Variants in ZNF407 observed in about 807,000 individuals in gnomAD.
ZNF407 encodes zinc finger protein 407.
Under a neutral mutation model 131.2 loss-of-function variants are expected in ZNF407, and 17 were observed. The ratio of observed to expected loss-of-function variants is 0.13; its 90% CI spans 0.09 to 0.19. The LOEUF (loss-of-function observed/expected upper bound fraction) is 0.19. Ranked by LOEUF, ZNF407 falls within the 10% of genes least tolerant of loss-of-function variation. The pLI is 1.00. For synonymous variants in ZNF407, 1,156 were observed against 1,062.0 expected, an observed-to-expected ratio of 1.09 and a Z score of -1.72; for missense variants, 2,681 against 2,830.6, an observed-to-expected ratio of 0.95 and a Z score of 1.20.
At chr18:74,784,874 A>G (rs572464133) in intron 4 of ZNF407, among the ~76,000 whole-genome samples, 11 of 152,346 alleles carry the variant, frequency 7.2e-5, no homozygotes, top group Admixed American at 1.3e-4. Context: ...GCCAGGTGCA[A>G]TTACAATGGA....
chr18:74,979,267 A>G (rs1972561619), intron 8 of ZNF407, among the ~76,000 whole-genome samples: 1 of 152,170 alleles, frequency 6.6e-6, no homozygotes, highest in South Asian at 2.1e-4. Flanking sequence ...GGTTATCAAC[A>G]TTTAAAATTA....
intron 4 of ZNF407, among the ~76,000 whole-genome samples, chr18:74,856,280 G>A (rs1456335582): frequency 3.3e-5 from 5 of 152,130 alleles, no homozygotes; most frequent in Admixed American, 3.3e-4. Context: ...GTCAGCCTTG[G>A]CAAAAGCATT....
intron 4 of ZNF407, among the ~76,000 whole-genome samples, chr18:74,811,804 C>G (rs561550391): frequency 6.6e-6 from 1 of 150,572 alleles, no homozygotes; most frequent in African/African-American, 2.5e-5. Flanking sequence ...TATTCTCACT[C>G]ATAGGTGGTA....
At chr18:74,856,357 ATT>A (rs1970858943) in intron 4 of ZNF407, among the ~76,000 whole-genome samples, 1 of 152,150 alleles carries the variant, frequency 6.6e-6, no homozygotes, top group South Asian at 2.1e-4. Context: ...TTGCCCCTTT[ATT>A]TTTTCCTCTC....
At chr18:74,667,916 A>G (rs181300991) in intron 3 of ZNF407, among the ~76,000 whole-genome samples, 200 of 151,732 alleles carry the variant, frequency 1.3e-3, no homozygotes, top group African/African-American at 4.7e-3. Flanking sequence ...TTTTTTTTTT[A>G]CCTTGAATGT....
intron 3 of ZNF407, among the ~76,000 whole-genome samples, chr18:74,748,139 A>G (rs1968714052): frequency 6.6e-6 from 1 of 152,144 alleles, no homozygotes; most frequent in Admixed American, 6.6e-5. Flanking sequence ...TTAATGCTAT[A>G]AAGTTTCTTT....
At chr18:74,600,728 G>C (rs1982543066) in intron 1 of ZNF407, among the ~76,000 whole-genome samples, 1 of 152,188 alleles carries the variant, frequency 6.6e-6, no homozygotes, top group African/African-American at 2.4e-5. Flanking sequence ...TTGGATAGAA[G>C]ACTTCCAAGC....
At chr18:74,863,282 T>C (rs1335178247) in intron 4 of ZNF407, among the ~76,000 whole-genome samples, 1 of 151,510 alleles carries the variant, frequency 6.6e-6, no homozygotes. Context: ...AGTGACATTG[T>C]ATGTATTCCT....
chr18:75,004,472 G>C (rs1972884035), intron 8 of ZNF407, among the ~76,000 whole-genome samples: 1 of 152,220 alleles, frequency 6.6e-6, no homozygotes, highest in African/African-American at 2.4e-5. Context: ...CGAAAGGAAA[G>C]GGCCATGCTG....
intron 4 of ZNF407, among the ~76,000 whole-genome samples, chr18:74,840,739 T>C (rs1179490056): frequency 6.6e-6 from 1 of 152,150 alleles, no homozygotes; most frequent in Non-Finnish European, 1.5e-5. Context: ...GGCCATAGCC[T>C]TTGTAGTCAT....
chr18:74,975,455 T>C lies in ZNF407; in HGVS notation c.5428+54763T>C, dbSNP rs151104604. ...AATTGTATTTACCAGTGATTAAAGG[T>C]CATTCATAAAGATATAAGTTGTTTG... is the stretch of plus-strand genomic sequence containing the variant. On this transcript the variant is annotated intron_variant, in intron 8 of 8. Coordinates refer to ENST00000299687, the MANE Select transcript of ZNF407 (RefSeq NM_017757.3). Among the ~76,000 whole-genome samples the C allele has an allele frequency of 2.7e-3, 416 of 152,334 alleles. 2 individuals are homozygous for C. Among genetic ancestry groups the C allele is most frequent in the African/African-American group, 9.2e-3 (381 of 41,578 alleles).
chr18:74,602,693 G>A (rs1982634042), intron 1 of ZNF407, among the ~76,000 whole-genome samples: 1 of 152,190 alleles, frequency 6.6e-6, no homozygotes. Context: ...GTAGAGCCAG[G>A]ATTTGAACCA....
At chr18:74,934,103 T>C (rs941002866) in intron 8 of ZNF407, among the ~76,000 whole-genome samples, 1 of 152,172 alleles carries the variant, frequency 6.6e-6, no homozygotes, top group Non-Finnish European at 1.5e-5. Context: ...TCATTGCTCT[T>C]AGTGTCGTTT....
chr18:74,624,118 C>T (rs1025557608), intron 1 of ZNF407, among the ~76,000 whole-genome samples: 1 of 152,162 alleles, frequency 6.6e-6, no homozygotes, highest in Admixed American at 6.5e-5. Flanking sequence ...AAGGAGATCA[C>T]GCCTTCCTCT....
chr18:74,996,512 T>C (rs1381246360), intron 8 of ZNF407, among the ~76,000 whole-genome samples: 1 of 152,238 alleles, frequency 6.6e-6, no homozygotes, highest in African/African-American at 2.4e-5. Flanking sequence ...AAGTGTTTAA[T>C]AGTCGCAGAT....
chr18:74,820,818 T>C (rs986441731), intron 4 of ZNF407, among the ~76,000 whole-genome samples: 1 of 151,926 alleles, frequency 6.6e-6, no homozygotes, highest in Non-Finnish European at 1.5e-5. Context: ...GTCACGAAAA[T>C]GGGGCATCAC....
chr18:74,850,525 A>G (rs535025027), intron 4 of ZNF407, among the ~76,000 whole-genome samples: 4 of 152,234 alleles, frequency 2.6e-5, no homozygotes, highest in South Asian at 2.1e-4. Flanking sequence ...ATGCACTCCC[A>G]TGCCAGTGGG....
At chr18:74,701,788 G>C (rs529234738) in intron 3 of ZNF407, among the ~76,000 whole-genome samples, 13 of 151,678 alleles carry the variant, frequency 8.6e-5, no homozygotes, top group Admixed American at 8.6e-4. Context: ...ATTTAGGCTC[G>C]CCCTGTCACC....
chr18:74,715,330 C>G (rs1476782765), intron 3 of ZNF407, among the ~76,000 whole-genome samples: 1 of 152,182 alleles, frequency 6.6e-6, no homozygotes, highest in African/African-American at 2.4e-5. Flanking sequence ...GAAATCAGTT[C>G]ACATATTTAC....
Sources: allele counts gnomAD v4.1 joint callset (sites outside exome capture counted in the v4.1 genomes callset), GRCh38; gene constraint gnomAD v4.1.1; transcripts MANE v1.5; gene names NCBI Gene and HGNC (gene_info 2026-07-23, HGNC 2026-07-21).